The following SH3BP5 variants were observed in gnomAD, a reference collection of about 807,000 sequenced individuals.
SH3BP5 encodes SH3 domain binding protein 5, also known as SH3 domain-binding protein 5.
In SH3BP5, 22 loss-of-function variants were observed where a neutral mutation model predicts 43.3. The observed-to-expected ratio is 0.51, with a 90% CI of 0.36 to 0.73. The LOEUF (loss-of-function observed/expected upper bound fraction) is 0.73, where lower values mean the gene tolerates loss of function less well. Ranked by LOEUF, SH3BP5 falls within the 30% of genes least tolerant of loss-of-function variation. The pLI is 0.00. For synonymous variants in SH3BP5, 255 were observed against 225.8 expected (o/e 1.13, Z -1.16); for missense variants, 529 against 586.9 (o/e 0.90, Z 1.02).
At chr3:15,340,840 G>T (rs1698757004) in intron 1 of SH3BP5, among the ~76,000 whole-genome samples, 1 of 151,804 alleles carries the variant, frequency 6.6e-6, no homozygotes. Context: ...ATCACCTGAG[G>T]TTGGGAGTTC....
At chr3:15,311,345 C>T (rs1698052581) in intron 2 of SH3BP5, among the ~76,000 whole-genome samples, 1 of 152,098 alleles carries the variant, frequency 6.6e-6, no homozygotes, top group South Asian at 2.1e-4. Context: ...GGCACATCAC[C>T]TGAGGTCAGG....
chr3:15,323,190 A>AT (rs1182963366), intron 2 of SH3BP5, among the ~76,000 whole-genome samples: 10 of 151,782 alleles, frequency 6.6e-5, no homozygotes, highest in Non-Finnish European at 1.0e-4. Context: ...AGGGAAACTA[A>AT]TTTTCACATT....
At chr3:15,296,694 CTTT>C (rs370273754) in intron 3 of SH3BP5, among the ~76,000 whole-genome samples, 6 of 124,904 alleles carry the variant, frequency 4.8e-5, no homozygotes, top group South Asian at 2.5e-4. Context: ...AGTGTTTTTC[CTTT>C]TTTTTTTTTT....
chr3:15,261,711 A>C (rs1399199817), intron 5 of SH3BP5, among the ~76,000 whole-genome samples: 2 of 152,108 alleles, frequency 1.3e-5, no homozygotes, highest in African/African-American at 2.4e-5. Flanking sequence ...AAAAAAAAAA[A>C]AACTCTACTA....
chr3:15,266,496 C>G (rs1230051695), intron 4 of SH3BP5, among the ~76,000 whole-genome samples: 3 of 152,192 alleles, frequency 2.0e-5, no homozygotes, highest in African/African-American at 7.2e-5. Flanking sequence ...TTTCTCCCTC[C>G]CAGGATGCCA....
At chr3:15,268,943 C>G (rs1014482855) in intron 4 of SH3BP5, among the ~76,000 whole-genome samples, 1 of 152,172 alleles carries the variant, frequency 6.6e-6, no homozygotes, top group Non-Finnish European at 1.5e-5. Context: ...GACACTGAAT[C>G]TACCAATGTC....
intron 2 of SH3BP5, among the ~76,000 whole-genome samples, chr3:15,316,459 G>A (rs1393225731): frequency 3.9e-5 from 6 of 151,952 alleles, no homozygotes; most frequent in South Asian, 2.1e-4. Context: ...TCCTGACCTC[G>A]TGATCCGCTG....
chr3:15,337,152 T>G (rs1698710899), upstream of SH3BP5, among the ~76,000 whole-genome samples: 1 of 145,802 alleles, frequency 6.9e-6, no homozygotes, highest in Admixed American at 7.1e-5. Context: ...TGCGGTGGTG[T>G]TAGCTCACTG....
intron 2 of SH3BP5, among the ~76,000 whole-genome samples, chr3:15,305,694 T>C (rs1242649664): frequency 1.3e-5 from 2 of 151,862 alleles, no homozygotes; most frequent in Non-Finnish European, 2.9e-5. Flanking sequence ...AAGAGGGGAA[T>C]GGGAACAGCA....
intron 2 of SH3BP5, among the ~76,000 whole-genome samples, chr3:15,313,968 A>G (rs1210631636): frequency 6.6e-6 from 1 of 151,872 alleles, no homozygotes; most frequent in Non-Finnish European, 1.5e-5. Flanking sequence ...CTGGTGTGGC[A>G]CTGCATGCCT....
intron 5 of SH3BP5, chr3:15,260,254 G>C (rs1006831829): frequency 2.2e-5 from 4 of 179,736 alleles, no homozygotes; most frequent in Admixed American, 5.3e-5. Context: ...GTCAACTGGG[G>C]AAGAGAGAGA....
At chr3:15,324,297 C>A (rs1698405823) in intron 2 of SH3BP5, among the ~76,000 whole-genome samples, 1 of 152,218 alleles carries the variant, frequency 6.6e-6, no homozygotes, top group South Asian at 2.1e-4. Context: ...TCAAAGGGCC[C>A]TGAGTGACTC....
At chr3:15,308,036 GAAAA>G (rs534506206) in intron 2 of SH3BP5, among the ~76,000 whole-genome samples, 2 of 151,926 alleles carry the variant, frequency 1.3e-5, no homozygotes, top group African/African-American at 4.8e-5. Flanking sequence ...TTCATTTAAA[GAAAA>G]AAAATAGCTA....
chr3:15,295,475 TTGA>T (rs1179858858), intron 3 of SH3BP5, among the ~76,000 whole-genome samples: 4 of 152,216 alleles, frequency 2.6e-5, no homozygotes, highest in Admixed American at 6.5e-5. Context: ...GTGCTTTTTG[TTGA>T]TGATTTTTCT....
intron 8 of SH3BP5, 184 bp from the exon 9 acceptor site, chr3:15,256,487 G>A: frequency 1.5e-6 from 1 of 658,658 alleles, no homozygotes; most frequent in East Asian, 2.6e-5. Context: ...GAGGTTCTCA[G>A]TACATAATCA....
At chr3:15,328,784 C>T (rs1232648473) in intron 2 of SH3BP5, among the ~76,000 whole-genome samples, 1 of 152,082 alleles carries the variant, frequency 6.6e-6, no homozygotes, top group African/African-American at 2.4e-5. Context: ...GCCTCTGAGG[C>T]GTCATAGTAC....
Position 15,290,299 on chromosome 3 carries a change from C to T in SH3BP5, c.330+13804G>A, listed in dbSNP as rs139198499. Among the ~76,000 whole-genome samples the T allele has an allele frequency of 9.0e-4, 137 of 151,964 alleles. 1 individual carries two copies. The East Asian group carries it at 0.019, about 21-fold the overall frequency. ...ATCCCAGCACTTTGAGAGGCCAAGG[C>T]GGGCAGATCACGAGGTCAGGAGATG... is the stretch of plus-strand genomic sequence containing the variant. On this transcript the variant is annotated intron_variant, in intron 3 of 8. Coordinates refer to ENST00000383791, the MANE Select transcript of SH3BP5 (RefSeq NM_004844.5).
Position 15,261,570 on chromosome 3 carries a change from T to C in SH3BP5, c.626+589A>G, listed in dbSNP as rs189337285. 1.9e-4 allele frequency among the ~76,000 whole-genome samples: 29 copies of C among 152,268 alleles called. No homozygotes were observed. In the East Asian group the frequency reaches 2.7e-3, roughly 14 times the overall value. On this transcript the variant is annotated intron_variant, in intron 5 of 8. Transcript: ENST00000383791. ...CTAGGTCATCATAAGTCCTCCTCCT[T>C]TTGCTAGGAGGCCTAGCAATTGGGA...
chr3:15,265,167 G>A (rs1193845391), intron 4 of SH3BP5, among the ~76,000 whole-genome samples: 1 of 152,024 alleles, frequency 6.6e-6, no homozygotes, highest in Non-Finnish European at 1.5e-5. Context: ...CGCCCCACCA[G>A]GCCACGTCTA....
Sources: gnomAD v4.1 joint callset for allele counts (sites outside exome capture counted in the v4.1 genomes callset) on GRCh38, gnomAD v4.1.1 for gene constraint, MANE v1.5 for transcripts, NCBI Gene and HGNC (gene_info 2026-07-23, HGNC 2026-07-21) for gene names.